Variants in HPSE2 observed in about 807,000 individuals in gnomAD.
HPSE2 encodes inactive heparanase-2.
In HPSE2, 38 loss-of-function variants were observed where a neutral mutation model predicts 60.5. That is an observed-to-expected ratio of 0.63 (90% CI 0.48 to 0.82). The LOEUF is 0.82. Ranked by LOEUF, HPSE2 falls within the 40% of genes least tolerant of loss-of-function variation. The pLI, the probability that HPSE2 is intolerant of heterozygous loss-of-function variation, is 0.00. For missense variants in HPSE2, 713 were observed against 740.4 expected, an observed-to-expected ratio of 0.96 and a Z score of 0.43; for synonymous variants, 295 against 293.2, an observed-to-expected ratio of 1.01 and a Z score of -0.06.
At chr10:98,855,031 C>T (rs1952276184) in intron 3 of HPSE2, among the ~76,000 whole-genome samples, 1 of 152,018 alleles carries the variant, frequency 6.6e-6, no homozygotes. Flanking sequence ...ATCTAGATCC[C>T]GTCAGAGAAA....
intron 3 of HPSE2, among the ~76,000 whole-genome samples, chr10:98,766,207 A>C (rs955101890): frequency 5.9e-5 from 9 of 152,198 alleles, no homozygotes; most frequent in Non-Finnish European, 1.2e-4. Context: ...TGAGAGACAC[A>C]AACTACCAAA....
chr10:98,966,052 A>G (rs971599734), intron 3 of HPSE2, among the ~76,000 whole-genome samples: 5 of 152,000 alleles, frequency 3.3e-5, no homozygotes, highest in Middle Eastern at 3.4e-3. Flanking sequence ...CACCACTCCA[A>G]GATAATTTTT....
rs539563510 is a variant in HPSE2, at chr10:98,515,761, ACTTC to A, written c.1321-25569_1321-25566del. On this transcript the variant is annotated intron_variant, in intron 9 of 11. Coordinates refer to ENST00000370552, the MANE Select transcript of HPSE2 (RefSeq NM_021828.5). ...ATATATACACATATTTCTGTTGATA[ACTTC>A]CTTATTCTTAAAATGGGAGATCTGA... Among the ~76,000 whole-genome samples the A allele has an allele frequency of 2.5e-3, 379 of 152,314 alleles. 1 individual carries two copies. The highest frequency in any genetic ancestry group is 8.6e-3 in the African/African-American group (356 of 41,576).
At chr10:98,666,884 AT>A (rs1369919589) in intron 6 of HPSE2, among the ~76,000 whole-genome samples, 1 of 152,088 alleles carries the variant, frequency 6.6e-6, no homozygotes, top group African/African-American at 2.4e-5. Flanking sequence ...AAGACAAAAA[AT>A]AATTATTTCT....
At chr10:98,899,869 T>C (rs1256389855) in intron 3 of HPSE2, among the ~76,000 whole-genome samples, 1 of 151,524 alleles carries the variant, frequency 6.6e-6, no homozygotes. Flanking sequence ...CTGCAACTTC[T>C]GCCTCCTGGG....
rs187616817 is a variant in HPSE2 at position 98,610,725 on chromosome 10, A to G, written c.1320+4179T>C. On this transcript the variant is annotated intron_variant, in intron 9 of 11. Coordinates refer to ENST00000370552, the MANE Select transcript of HPSE2 (RefSeq NM_021828.5). ...TTGTAGTCCCACAAACACATATCAG[A>G]TTATTAGTTCCATAGATGAATTTAT... 8.5e-5 allele frequency among the ~76,000 whole-genome samples: 13 copies of G among 152,296 alleles called. No homozygotes were observed. In the East Asian group the frequency reaches 1.7e-3, roughly 20 times the overall value.
the HPSE2 span, among the ~76,000 whole-genome samples, chr10:99,256,839 G>A: frequency 2.0e-5 from 3 of 152,110 alleles, no homozygotes; most frequent in African/African-American, 7.2e-5. Flanking sequence ...AGATCACGAG[G>A]TCAAGAGATC....
chr10:98,488,638 T>G (rs1296836943), intron 10 of HPSE2, among the ~76,000 whole-genome samples: 1 of 152,324 alleles, frequency 6.6e-6, no homozygotes, highest in Non-Finnish European at 1.5e-5. Context: ...AACAGGGATA[T>G]AAGGTGCCAA....
At chr10:99,051,727 G>A (rs1202701949) in intron 3 of HPSE2, among the ~76,000 whole-genome samples, 1 of 152,174 alleles carries the variant, frequency 6.6e-6, no homozygotes, top group Non-Finnish European at 1.5e-5. Flanking sequence ...TGTGTTTTAA[G>A]TTTGAATCCT....
chr10:99,310,335 A>G, the HPSE2 span, among the ~76,000 whole-genome samples: 1 of 152,228 alleles, frequency 6.6e-6, no homozygotes, highest in Non-Finnish European at 1.5e-5. Flanking sequence ...TCCAGGGCAT[A>G]TAGAGCCACT....
chr10:98,958,611 CTAT>C (rs1385166998), intron 3 of HPSE2, among the ~76,000 whole-genome samples: 16 of 152,058 alleles, frequency 1.1e-4, no homozygotes, highest in African/African-American at 3.6e-4. Context: ...GTTAAAGAAA[CTAT>C]AGATTCTTTA....
At chr10:99,131,914 C>A (rs1211551577) in intron 3 of HPSE2, among the ~76,000 whole-genome samples, 2 of 151,778 alleles carry the variant, frequency 1.3e-5, no homozygotes, top group Non-Finnish European at 2.9e-5. Context: ...GAGTTCAAGA[C>A]TAGCCTGGCC....
intron 4 of HPSE2, among the ~76,000 whole-genome samples, chr10:98,736,042 C>T (rs1428717175): frequency 1.3e-5 from 2 of 152,028 alleles, no homozygotes; most frequent in South Asian, 2.1e-4. Context: ...TTGGCTGTGT[C>T]CCCACTCAAA....
chr10:98,625,536 A>C (rs1213950604), intron 7 of HPSE2, among the ~76,000 whole-genome samples: 4 of 152,228 alleles, frequency 2.6e-5, no homozygotes, highest in Admixed American at 2.6e-4. Context: ...AAGAAAAGAA[A>C]CAATCATGTA....
chr10:98,809,758 T>A (rs539596389), intron 3 of HPSE2, among the ~76,000 whole-genome samples: 1 of 152,268 alleles, frequency 6.6e-6, no homozygotes, highest in African/African-American at 2.4e-5. Context: ...CATAGAATAA[T>A]AAAAGTATAC....
At chr10:99,102,479 G>A (rs1437602181) in intron 3 of HPSE2, among the ~76,000 whole-genome samples, 5 of 152,098 alleles carry the variant, frequency 3.3e-5, no homozygotes, top group Non-Finnish European at 5.9e-5. Context: ...CTGAAATTGA[G>A]GCAATAATTA....
chr10:99,073,787 T>C (rs1401434976), intron 3 of HPSE2, among the ~76,000 whole-genome samples: 1 of 152,224 alleles, frequency 6.6e-6, no homozygotes, highest in East Asian at 1.9e-4. Context: ...TTTATTACTA[T>C]GTATTTTATT....
intron 3 of HPSE2, among the ~76,000 whole-genome samples, chr10:99,115,166 T>TC (rs1167698392): frequency 4.0e-5 from 6 of 149,542 alleles, no homozygotes; most frequent in Admixed American, 1.3e-4. Flanking sequence ...TTTTTTTTTT[T>TC]TTTTGAGACG....
chr10:98,690,391 A>G (rs1157865658), intron 6 of HPSE2, among the ~76,000 whole-genome samples: 2 of 152,128 alleles, frequency 1.3e-5, no homozygotes, highest in Non-Finnish European at 2.9e-5. Flanking sequence ...ATGCAAAAAA[A>G]TTAGCCTGGC....
Sources: allele counts gnomAD v4.1 joint callset (sites outside exome capture counted in the v4.1 genomes callset), GRCh38; gene constraint gnomAD v4.1.1; transcripts MANE v1.5; gene names NCBI Gene and HGNC (gene_info 2026-07-23, HGNC 2026-07-21).